Variants in GALNT11 observed in about 807,000 individuals in gnomAD.
GALNT11 encodes the protein UDP-GalNAc:polypeptide N-acetylgalactosaminyltransferase 11.
GALNT11 carries 47 observed loss-of-function variants against 72.7 expected under a neutral mutation model. The ratio of observed to expected loss-of-function variants is 0.65; its 90% confidence interval spans 0.51 to 0.82. The LOEUF (loss-of-function observed/expected upper bound fraction) is 0.82. GALNT11 is among the 40% of genes least tolerant of loss of function. The probability of loss-of-function intolerance (pLI) is 0.00; values close to 1 mark genes in which losing one functional copy is unlikely to be tolerated. For missense variants in GALNT11, 677 were observed against 778.4 expected (o/e 0.87, Z 1.55); for synonymous variants, 270 against 286.6 (o/e 0.94, Z 0.58).
chr7:152,113,712 C>CTTTTTTTTTTTTTTTTTTTT (rs6150397), intron 8 of GALNT11, among the ~76,000 whole-genome samples: 8 of 97,030 alleles, frequency 8.2e-5, no homozygotes, highest in African/African-American at 9.2e-5. Context: ...AGTTGGCTTT[C>CTTTTTTTTTTTTTTTTTTTT]TTTTTTTTTT....
chr7:152,066,073 C>T (rs200793582), intron 1 of GALNT11, among the ~76,000 whole-genome samples: 21 of 152,214 alleles, frequency 1.4e-4, no homozygotes, highest in Non-Finnish European at 2.8e-4. Flanking sequence ...CCTTGAGCTG[C>T]GGTGGGCTCC....
intron 1 of GALNT11, among the ~76,000 whole-genome samples, chr7:152,041,242 T>C (rs1351716744): frequency 1.3e-5 from 2 of 152,224 alleles, no homozygotes; most frequent in Non-Finnish European, 2.9e-5. Context: ...TTCCCAACTT[T>C]TTATTATCGG....
At chr7:152,072,980 A>G (rs188165214) in intron 1 of GALNT11, among the ~76,000 whole-genome samples, 1 of 152,274 alleles carries the variant, frequency 6.6e-6, no homozygotes, top group Non-Finnish European at 1.5e-5. Context: ...TTTCCAACAT[A>G]GTGTTTACTC....
intron 1 of GALNT11, among the ~76,000 whole-genome samples, chr7:152,034,218 G>A (rs1025640188): frequency 2.6e-5 from 4 of 152,100 alleles, no homozygotes; most frequent in Admixed American, 1.3e-4. Context: ...AATAGGAAGG[G>A]TAGCTATAGG....
intron 1 of GALNT11, among the ~76,000 whole-genome samples, chr7:152,026,582 T>C (rs2082025165): frequency 6.6e-6 from 1 of 152,250 alleles, no homozygotes; most frequent in Admixed American, 6.5e-5. Flanking sequence ...GACAGATGCA[T>C]GTCTGACGGC....
chr7:152,081,209 A>G (rs911655190), intron 1 of GALNT11, among the ~76,000 whole-genome samples: 1 of 152,248 alleles, frequency 6.6e-6, no homozygotes, highest in Non-Finnish European at 1.5e-5. Context: ...GTAGAGTGAC[A>G]TTGCATAACA....
At chr7:152,119,038 G>C (rs1189889956) in intron 10 of GALNT11, 2 of 303,650 alleles carry the variant, frequency 6.6e-6, no homozygotes, top group Admixed American at 5.2e-5. Context: ...AAAAGGAAGA[G>C]AGTGGCCTTA....
At chr7:152,086,491 T>C (rs376052410) in intron 1 of GALNT11, among the ~76,000 whole-genome samples, 1 of 152,200 alleles carries the variant, frequency 6.6e-6, no homozygotes, top group African/African-American at 2.4e-5. Flanking sequence ...TATAATATGG[T>C]TTGGGAAAAA....
At position 152,094,115 on chromosome 7, in the gene GALNT11, A is replaced by G; in HGVS notation, c.-38-75A>G. 1.6e-6 allele frequency: 2 copies of G among 1,279,184 alleles called. No individual in the cohort carries two copies. The highest frequency in any genetic ancestry group is 1.1e-6 in the Non-Finnish European group (1 of 924,290). 79.2% of individuals were successfully genotyped at this position (1,279,184 alleles called of 1,614,324 possible). ...ATAGTGGTCCTACTTGGTGGTTTGGAAAACAGTGATTCTGTATTTGGTGGA... is the reference window on the plus strand; with the variant it reads ...ATAGTGGTCCTACTTGGTGGTTTGGGAAACAGTGATTCTGTATTTGGTGGA... On this transcript the variant is annotated intron_variant, in intron 1 of 11. Coordinates refer to ENST00000430044, the MANE Select transcript of GALNT11 (RefSeq NM_022087.4). The surrounding 1 kb of genome is among the most constrained non-coding windows in gnomAD (Gnocchi z 4.3).
At chr7:152,073,230 A>G (rs372493653) in intron 1 of GALNT11, among the ~76,000 whole-genome samples, 1 of 152,190 alleles carries the variant, frequency 6.6e-6, no homozygotes. Flanking sequence ...CTAGAGTGCT[A>G]TAGACCAGTA....
At chr7:152,036,023 C>T (rs2082559299) in intron 1 of GALNT11, among the ~76,000 whole-genome samples, 2 of 152,124 alleles carry the variant, frequency 1.3e-5, no homozygotes, top group Admixed American at 6.5e-5. Context: ...TGTCCTTGCG[C>T]ATTTGGACTG....
chr7:152,047,126 C>T (rs751604579), intron 1 of GALNT11, among the ~76,000 whole-genome samples: 6 of 152,090 alleles, frequency 3.9e-5, no homozygotes, highest in African/African-American at 7.2e-5. Flanking sequence ...TTTGTAATCC[C>T]AGCACTTTGG....
intron 2 of GALNT11, among the ~76,000 whole-genome samples, chr7:152,099,947 ATT>A (rs768708954): frequency 1.1e-4 from 13 of 114,464 alleles, no homozygotes; most frequent in Admixed American, 3.6e-4. Context: ...CACCTGGCTA[ATT>A]TTTTTTTTTT....
intron 2 of GALNT11, among the ~76,000 whole-genome samples, chr7:152,099,341 CTTTTATTTATTTA>C (rs1293564852): frequency 1.5e-5 from 2 of 137,444 alleles, no homozygotes; most frequent in Admixed American, 7.4e-5. Flanking sequence ...TAAAAATGGA[CTTTTATTTATTTA>C]TTTATTTATT....
rs199859503 is a variant in GALNT11 at position 152,121,698 on chromosome 7, C to T, written c.*21C>T. 738 of 1,606,172 alleles carry T rather than the reference C, an allele frequency of 4.6e-4. 6 individuals carry two copies. The East Asian group carries it at 9.8e-3, about 21-fold the overall frequency. ...GTTAAGGTGGATGCTGTGGTGGGAACGTTGCTTCATCAGGCGTTGCCTCCG... is the reference window on the plus strand; with the variant it reads ...GTTAAGGTGGATGCTGTGGTGGGAATGTTGCTTCATCAGGCGTTGCCTCCG... On this transcript the variant is annotated 3_prime_UTR_variant, in exon 12 of 12. Transcript: ENST00000430044.
intron 8 of GALNT11, among the ~76,000 whole-genome samples, chr7:152,113,733 TTTTTTTTTTTTTTTTTTTTTTG>T: frequency 3.2e-5 from 1 of 31,146 alleles, no homozygotes; most frequent in Non-Finnish European, 6.7e-5. Flanking sequence ...TTTTTTTTTT[TTTTTTTTTTTTTTTTTTTTTTG>T]AGACAGGGTC....
chr7:152,075,694 G>C (rs943580762), intron 1 of GALNT11, among the ~76,000 whole-genome samples: 8 of 152,056 alleles, frequency 5.3e-5, no homozygotes, highest in Admixed American at 2.0e-4. Flanking sequence ...TCCTTGGGAG[G>C]CTGAGGCAGG....
At chr7:152,095,156 A>G (rs1454028813) in intron 2 of GALNT11, among the ~76,000 whole-genome samples, 3 of 151,766 alleles carry the variant, frequency 2.0e-5, no homozygotes, top group Non-Finnish European at 2.9e-5. Flanking sequence ...TATATATAAT[A>G]TAGTTTATGA....
intron 1 of GALNT11, among the ~76,000 whole-genome samples, chr7:152,038,823 G>A (rs2152001082): frequency 6.6e-6 from 1 of 152,276 alleles, no homozygotes; most frequent in East Asian, 1.9e-4. Flanking sequence ...GCTCCTTCGA[G>A]CACTCTAGTT....
Sources: allele counts gnomAD v4.1 joint callset (sites outside exome capture counted in the v4.1 genomes callset), GRCh38; gene constraint gnomAD v4.1.1; non-coding constraint Gnocchi (gnomAD v3.1); transcripts MANE v1.5; gene names NCBI Gene and HGNC (gene_info 2026-07-23, HGNC 2026-07-21).